Variants in SLCO1A2 observed in about 807,000 individuals in gnomAD.
SLCO1A2 encodes OATP-1.
In SLCO1A2, 67 loss-of-function variants were observed where a neutral mutation model predicts 69.0. The observed-to-expected ratio is 0.97, with a 90% CI of 0.80 to 1.19. SLCO1A2 has a LOEUF of 1.19. SLCO1A2 is among the 50% of genes most tolerant of loss of function. SLCO1A2 has a pLI of 0.00. For missense variants in SLCO1A2, 787 were observed against 793.7 expected, an observed-to-expected ratio of 0.99 and a Z score of 0.10; for synonymous variants, 260 against 265.9, an observed-to-expected ratio of 0.98 and a Z score of 0.22.
At chr12:21,336,276 T>A (rs1266826112), upstream of SLCO1A2, among the ~76,000 whole-genome samples, 1 of 151,980 alleles carries the variant, frequency 6.6e-6, no homozygotes. Flanking sequence ...CATTACTATA[T>A]TAAATGTCTA....
intron 1 of SLCO1A2, among the ~76,000 whole-genome samples, chr12:21,410,915 T>C (rs1941897460): frequency 6.6e-6 from 1 of 152,218 alleles, no homozygotes; most frequent in South Asian, 2.1e-4. Flanking sequence ...ATCTTGTCTG[T>C]TATTCTATTG....
At chr12:21,391,095 T>C (rs902372190) in intron 1 of SLCO1A2, among the ~76,000 whole-genome samples, 1 of 152,196 alleles carries the variant, frequency 6.6e-6, no homozygotes, top group Non-Finnish European at 1.5e-5. Context: ...AAATTTTCCA[T>C]GTAAATGTAA....
intron 12 of SLCO1A2, among the ~76,000 whole-genome samples, chr12:21,284,586 A>C (rs1263731366): frequency 6.7e-6 from 1 of 149,746 alleles, no homozygotes; most frequent in Non-Finnish European, 1.5e-5. Flanking sequence ...CCTATTCCAA[A>C]ATTGACCACA....
chr12:21,317,663 A>G (rs1202315164), intron 3 of SLCO1A2, among the ~76,000 whole-genome samples: 3 of 152,208 alleles, frequency 2.0e-5, no homozygotes, highest in Admixed American at 6.5e-5. Flanking sequence ...GATACAGGCT[A>G]AGATCTAAAG....
At chr12:21,376,877 A>G (rs1017247701) in intron 1 of SLCO1A2, among the ~76,000 whole-genome samples, 2 of 152,078 alleles carry the variant, frequency 1.3e-5, no homozygotes, top group Non-Finnish European at 2.9e-5. Flanking sequence ...AAGTTTCACC[A>G]ATATTTTGAT....
At chr12:21,382,187 T>G (rs971708062) in intron 1 of SLCO1A2, among the ~76,000 whole-genome samples, 5 of 152,194 alleles carry the variant, frequency 3.3e-5, no homozygotes, top group African/African-American at 7.2e-5. Flanking sequence ...GCAACTTGGA[T>G]GGAGCTGGAG....
chr12:21,332,325 T>C (rs755518063), intron 2 of SLCO1A2, among the ~76,000 whole-genome samples: 21 of 152,124 alleles, frequency 1.4e-4, no homozygotes, highest in South Asian at 2.1e-4. Flanking sequence ...GAAGAGTTAT[T>C]ATCAATAATA....
rs1949128960 is a variant in SLCO1A2, at chr12:21,304,620, T to C, written c.443-47A>G. Reference sequence around the variant, plus strand: ...TGACATTAGTGCTTTGACGATAAAGTGTCAGTAATATTAATTCTATGTTTT... The same window carrying C: ...TGACATTAGTGCTTTGACGATAAAGCGTCAGTAATATTAATTCTATGTTTT... On this transcript the variant is annotated intron_variant, in intron 5 of 14. Coordinates refer to ENST00000683939, the MANE Select transcript of SLCO1A2 (RefSeq NM_001386879.1). 4 of 1,506,760 alleles carry C rather than the reference T, an allele frequency of 2.7e-6. No homozygotes were observed. In the East Asian group the frequency reaches 9.1e-5, roughly 34 times the overall value. The allele number at this position is 1,506,760 out of a possible 1,614,324, so 93.3% of individuals were successfully genotyped here.
At position 21,382,117 on chromosome 12, in the gene SLCO1A2, T is replaced by C. The variant is rs188326995; in HGVS notation, c.-189-7592A>G. ...TAATGAGTGGATAAAGAAAATATGGTATTTACCCACTATGGGATACTACTC... is the reference window on the plus strand; with the variant it reads ...TAATGAGTGGATAAAGAAAATATGGCATTTACCCACTATGGGATACTACTC... On this transcript the variant is annotated intron_variant, in intron 1 of 15. Coordinates refer to the SLCO1A2 transcript ENST00000307378. 4.7e-3 allele frequency among the ~76,000 whole-genome samples: 711 copies of C among 152,220 alleles called. 7 individuals carry two copies. Among genetic ancestry groups the C allele is most frequent in the African/African-American group, 0.017 (688 of 41,540 alleles).
At chr12:21,270,038 A>G (rs959935046) in intron 14 of SLCO1A2, among the ~76,000 whole-genome samples, 31 of 151,728 alleles carry the variant, frequency 2.0e-4, no homozygotes, top group African/African-American at 7.5e-4. Context: ...CTAGTTTTTC[A>G]TTGAGTAGGA....
chr12:21,314,009 A>G (rs1950551065), intron 4 of SLCO1A2, among the ~76,000 whole-genome samples: 1 of 151,578 alleles, frequency 6.6e-6, no homozygotes, highest in Non-Finnish European at 1.5e-5. Context: ...AAAAAAAGAA[A>G]GAAATTGGTG....
chr12:21,299,770 G>GTATATGTGTGTGTATATATATATA (rs1555112072), intron 8 of SLCO1A2, among the ~76,000 whole-genome samples: 6 of 129,706 alleles, frequency 4.6e-5, no homozygotes, highest in African/African-American at 1.7e-4. Context: ...ATATACGTGT[G>GTATATGTGTGTGTATATATATATA]TATATATATA....
At position 21,407,900 on chromosome 12, in the gene SLCO1A2, A is replaced by C. The variant is rs1941848172; in HGVS notation, c.-312+9982T>G. ...GAAGGAAGAGTAGAGCCAAATCGCT[A>C]CTGCAAAAGCCCAGGCAAGATATGG... On this transcript the variant is annotated intron_variant, in intron 1 of 4. Transcript: ENST00000413682. 1.3e-5 allele frequency among the ~76,000 whole-genome samples: 2 copies of C among 152,130 alleles called. 1 individual carries two copies. The highest frequency in any genetic ancestry group is 4.8e-5 in the African/African-American group (2 of 41,416).
In SLCO1A2 at chr12:21,266,001, G is replaced by C. The variant is rs983639819; in HGVS notation, c.*3547C>G. On this transcript the variant is annotated 3_prime_UTR_variant, in exon 15 of 15. Transcript: ENST00000683939. ...GTGATTTTTAGATGGTGAACGTTCA[G>C]TCAATGTATGATTTATGCCAGGAGA... 1 of 152,122 alleles carries C rather than the reference G, an allele frequency of 6.6e-6. No homozygotes were observed. The highest frequency in any genetic ancestry group is 1.5e-5 in the Non-Finnish European group (1 of 68,018). 9.4% of individuals were successfully genotyped at this position (152,122 alleles called of 1,614,324 possible).
At chr12:21,366,570 A>G (rs2137070130) in intron 2 of SLCO1A2, among the ~76,000 whole-genome samples, 1 of 152,216 alleles carries the variant, frequency 6.6e-6, no homozygotes, top group East Asian at 1.9e-4. Flanking sequence ...AAAAAGAAAT[A>G]TAAACATTAA....
intron 13 of SLCO1A2, chr12:21,274,794 CAT>C (rs1425210746): frequency 2.9e-6 from 2 of 694,710 alleles, no homozygotes; most frequent in Admixed American, 6.8e-5. Context: ...TCAAATGCAA[CAT>C]AATTATTAGT....
chr12:21,291,247 C>A (rs1946801064), intron 12 of SLCO1A2, among the ~76,000 whole-genome samples: 1 of 152,116 alleles, frequency 6.6e-6, no homozygotes, highest in African/African-American at 2.4e-5. Context: ...TGAATCGGAA[C>A]AAGACTTAAC....
intron 4 of SLCO1A2, among the ~76,000 whole-genome samples, chr12:21,313,184 G>A (rs1177803161): frequency 2.0e-5 from 3 of 152,032 alleles, no homozygotes; most frequent in Non-Finnish European, 2.9e-5. Context: ...ATCACAGATC[G>A]CCATAACAGA....
chr12:21,340,404 A>G (rs895284002), intron 2 of SLCO1A2, among the ~76,000 whole-genome samples: 2 of 152,086 alleles, frequency 1.3e-5, no homozygotes, highest in African/African-American at 4.8e-5. Flanking sequence ...CAGATTACAA[A>G]CAGTACATAA....
Sources: gnomAD v4.1 joint callset for allele counts (sites outside exome capture counted in the v4.1 genomes callset) on GRCh38, gnomAD v4.1.1 for gene constraint, MANE v1.5 for transcripts, NCBI Gene and HGNC (gene_info 2026-07-23, HGNC 2026-07-21) for gene names.